CAMK1G: variants seen among roughly 807,000 people sequenced by gnomAD.
CAMK1G encodes the protein calcium/calmodulin-dependent protein kinase type 1G.
A neutral mutation model predicts 54.8 loss-of-function variants in CAMK1G; 27 were observed. That is an observed-to-expected ratio of 0.49 (90% CI 0.36 to 0.68). The LOEUF (loss-of-function observed/expected upper bound fraction) is 0.68. CAMK1G is among the 30% of genes least tolerant of loss of function. The pLI is 0.00. For missense variants in CAMK1G, 512 were observed against 591.0 expected (o/e 0.87, Z 1.39); for synonymous variants, 238 against 224.9 (o/e 1.06, Z -0.52).
intron 1 of CAMK1G, among the ~76,000 whole-genome samples, chr1:209,594,221 T>G (rs1300866113): frequency 1.3e-5 from 2 of 152,168 alleles, no homozygotes; most frequent in African/African-American, 4.8e-5. Context: ...CCCCACACTT[T>G]GTAACTGTAC....
rs914447569 is a variant in CAMK1G, at chr1:209,613,242, C to T, written c.*240C>T. ...TTGTTGAAGCTGTGAGCAGGAGAAG[C>T]GGTGCCCACCAGCTTCCAGGTCTCC... On this transcript the variant is annotated 3_prime_UTR_variant, in exon 13 of 13. Coordinates refer to ENST00000361322, the MANE Select transcript of CAMK1G (RefSeq NM_020439.3). 7 of 239,054 alleles carry T rather than the reference C, an allele frequency of 2.9e-5. No individual in the cohort carries two copies. Among genetic ancestry groups the T allele is most frequent in the East Asian group, 1.9e-4 (2 of 10,706 alleles). The allele number at this position is 239,054 out of a possible 1,614,324, so 14.8% of individuals were successfully genotyped here.
intron 1 of CAMK1G, among the ~76,000 whole-genome samples, chr1:209,590,372 C>A (rs1440871001): frequency 6.6e-6 from 1 of 152,136 alleles, no homozygotes; most frequent in East Asian, 1.9e-4. Flanking sequence ...GAAGGGAAAG[C>A]CAAAGCTATG....
intron 1 of CAMK1G, among the ~76,000 whole-genome samples, chr1:209,594,318 C>G (rs1288208797): frequency 6.6e-6 from 1 of 152,164 alleles, no homozygotes; most frequent in African/African-American, 2.4e-5. Context: ...GTTATCAGTA[C>G]CCATCGGCAC....
chr1:209,594,147 A>G (rs1304744156), intron 1 of CAMK1G, among the ~76,000 whole-genome samples: 3 of 152,174 alleles, frequency 2.0e-5, no homozygotes, highest in African/African-American at 7.2e-5. Context: ...CCTGGACTTT[A>G]TCTAAAGAAG....
chr1:209,600,145 G>T (rs560797056), intron 3 of CAMK1G, 34 bp downstream of exon 3: 2 of 1,602,988 alleles, frequency 1.2e-6, no homozygotes, highest in Non-Finnish European at 1.7e-6. Flanking sequence ...GGATCACTAT[G>T]GGATCACAAC....
chr1:209,611,637 TG>T, intron 10 of CAMK1G, 85 bp downstream of exon 10: 1 of 1,489,776 alleles, frequency 6.7e-7, no homozygotes, highest in Non-Finnish European at 9.2e-7. Context: ...GGGCTTTCCT[TG>T]GGATGTCCCA....
Position 209,606,409 on chromosome 1 carries a change from C to A in CAMK1G, c.525C>A (p.Ile175=). 4 of 1,614,084 alleles carry A rather than the reference C, an allele frequency of 2.5e-6. No individual in the cohort carries two copies. Among genetic ancestry groups the A allele is most frequent in the Non-Finnish European group, 3.4e-6 (4 of 1,179,952 alleles). Residue 175 remains isoleucine (I), a synonymous_variant, in exon 6 of 13, where the codon ATC becomes ATA. Coordinates refer to ENST00000361322, the MANE Select transcript of CAMK1G (RefSeq NM_020439.3). The part of the protein sequence containing the change: ...FGLSKMEQNG[I]MSTACGTPGY... ...TGTCCAAGATGGAACAGAATGGCAT[C>A]ATGTCCACTGCCTGTGGGACCCCAG...
intron 1 of CAMK1G, among the ~76,000 whole-genome samples, chr1:209,589,749 C>G (rs1665198539): frequency 6.6e-6 from 1 of 152,158 alleles, no homozygotes; most frequent in African/African-American, 2.4e-5. Flanking sequence ...TGTGTTTGGT[C>G]TTCATAACCT....
At chr1:209,595,496 C>A (rs537766968) in intron 2 of CAMK1G, among the ~76,000 whole-genome samples, 18 of 152,300 alleles carry the variant, frequency 1.2e-4, no homozygotes, top group African/African-American at 4.3e-4. Flanking sequence ...TTCTGACCCA[C>A]CTGCAATGAC....
At chr1:209,587,112 T>A (rs1571769420) in intron 1 of CAMK1G, among the ~76,000 whole-genome samples, 2 of 151,284 alleles carry the variant, frequency 1.3e-5, no homozygotes, top group Admixed American at 1.3e-4. Flanking sequence ...GTCCTTGGAG[T>A]TTCTCTCCAG....
chr1:209,609,999 A>G (rs1302649538), intron 9 of CAMK1G, 70 bp downstream of exon 9: 2 of 1,227,904 alleles, frequency 1.6e-6, no homozygotes, highest in African/African-American at 1.5e-5. Context: ...ACTCATTCAT[A>G]TTGCATTTCC....
chr1:209,604,492 G>A (rs1665602395), intron 4 of CAMK1G, among the ~76,000 whole-genome samples: 1 of 152,166 alleles, frequency 6.6e-6, no homozygotes, highest in Non-Finnish European at 1.5e-5. Flanking sequence ...AGCTACTATA[G>A]GAGCGCCCAA....
At position 209,613,063 on chromosome 1, in the gene CAMK1G, C is replaced by G; in HGVS notation, c.*61C>G. ...AGGAGACATATTCAACTCCTCTGCT[C>G]TTCCAAACCTGGTGTCTATCCGGCA... On this transcript the variant is annotated 3_prime_UTR_variant, in exon 13 of 13. Transcript: ENST00000361322. 1.8e-6 allele frequency: 1 copy of G among 549,562 alleles called. No individual in the cohort carries two copies. Among genetic ancestry groups the G allele is most frequent in the Non-Finnish European group, 3.3e-6 (1 of 302,616 alleles). The allele number at this position is 549,562 out of a possible 1,614,324, so 34.0% of individuals were successfully genotyped here. A position where few individuals can be genotyped will look rare whatever the true frequency, so the allele number is the denominator to read the frequency against.
At chr1:209,587,937 C>A in intron 1 of CAMK1G, among the ~76,000 whole-genome samples, 1 of 152,168 alleles carries the variant, frequency 6.6e-6, no homozygotes, top group Middle Eastern at 3.2e-3. Flanking sequence ...CAACTGATAA[C>A]CTCCCTCCCA....
chr1:209,584,274 C>A (rs1665038164), intron 1 of CAMK1G, among the ~76,000 whole-genome samples: 1 of 152,110 alleles, frequency 6.6e-6, no homozygotes, highest in South Asian at 2.1e-4. Flanking sequence ...ATTAGCAGAA[C>A]CAATGGCAAA....
chr1:209,608,842 T>C (rs1665712716), intron 7 of CAMK1G, 138 bp from the exon 8 acceptor site: 2 of 1,227,274 alleles, frequency 1.6e-6, no homozygotes, highest in South Asian at 1.5e-5. Context: ...TTGAGGCAGA[T>C]CTGCGTCCTG....
chr1:209,596,108 C>T (rs1015813240), intron 2 of CAMK1G, among the ~76,000 whole-genome samples: 3 of 152,240 alleles, frequency 2.0e-5, no homozygotes, highest in African/African-American at 4.8e-5. Context: ...GCAGTGACCT[C>T]GGGCAATGAC....
At chr1:209,606,204 C>A in intron 5 of CAMK1G, 116 bp from the exon 6 acceptor site, 1 of 1,331,022 alleles carries the variant, frequency 7.5e-7, no homozygotes, top group Non-Finnish European at 1.0e-6. Context: ...GGAGGATGAG[C>A]TGGCCTTGAA....
intron 9 of CAMK1G, among the ~76,000 whole-genome samples, chr1:209,611,174 A>T (rs997139211): frequency 4.6e-5 from 7 of 152,248 alleles, no homozygotes; most frequent in Non-Finnish European, 1.0e-4. Context: ...AATGGGCACC[A>T]CTGTGTCCCC....
Sources: allele counts gnomAD v4.1 joint callset (sites outside exome capture counted in the v4.1 genomes callset), GRCh38; gene constraint gnomAD v4.1.1; transcripts MANE v1.5; gene names NCBI Gene and HGNC (gene_info 2026-07-23, HGNC 2026-07-21).